SUCLG2: variants seen among roughly 807,000 people sequenced by gnomAD.
SUCLG2 encodes succinate-CoA ligase GDP-forming subunit beta.
Under a neutral mutation model 47.9 loss-of-function variants are expected in SUCLG2, and 42 were observed. The ratio of observed to expected loss-of-function variants is 0.88; its 90% CI spans 0.69 to 1.14. The LOEUF (loss-of-function observed/expected upper bound fraction) is 1.14. SUCLG2 is among the 50% of genes most tolerant of loss of function. The pLI, the probability that SUCLG2 is intolerant of heterozygous loss-of-function variation, is 0.00. For missense variants in SUCLG2, 571 were observed against 525.9 expected (o/e 1.09, Z -0.84); for synonymous variants, 195 against 197.3 (o/e 0.99, Z 0.10).
intron 10 of SUCLG2, among the ~76,000 whole-genome samples, chr3:67,379,593 C>G (rs180718008): frequency 6.6e-6 from 1 of 152,122 alleles, no homozygotes; most frequent in Non-Finnish European, 1.5e-5. Flanking sequence ...TAATTAATAT[C>G]CTCTTTTGCA....
chr3:67,584,259 C>T (rs1326376728), intron 2 of SUCLG2, among the ~76,000 whole-genome samples: 9 of 152,082 alleles, frequency 5.9e-5, no homozygotes, highest in Non-Finnish European at 8.8e-5. Flanking sequence ...ATGAAGTAAC[C>T]TCAAAAATAT....
intron 9 of SUCLG2, among the ~76,000 whole-genome samples, chr3:67,428,968 T>G (rs1197217751): frequency 6.6e-5 from 10 of 152,196 alleles, no homozygotes; most frequent in African/African-American, 2.2e-4. Context: ...ACCAAATCTA[T>G]GTCTGATTGG....
downstream of SUCLG2, among the ~76,000 whole-genome samples, chr3:67,373,146 T>C (rs1701975770): frequency 6.6e-6 from 1 of 152,162 alleles, no homozygotes; most frequent in Non-Finnish European, 1.5e-5. Context: ...ATATAGTGTA[T>C]TCTACAAATG....
chr3:67,616,176 T>C (rs891500706), intron 1 of SUCLG2, among the ~76,000 whole-genome samples: 3 of 152,062 alleles, frequency 2.0e-5, no homozygotes, highest in Admixed American at 6.6e-5. Flanking sequence ...AGTTACAACA[T>C]GGGGGATGTC....
At chr3:67,641,706 A>ACTGGGT in intron 1 of SUCLG2, among the ~76,000 whole-genome samples, 1 of 152,276 alleles carries the variant, frequency 6.6e-6, no homozygotes, top group African/African-American at 2.4e-5. Flanking sequence ...AGTACCACAT[A>ACTGGGT]CTGGGTATCC....
At chr3:67,513,918 A>G (rs575888074) in intron 6 of SUCLG2, 3 of 160,806 alleles carry the variant, frequency 1.9e-5, no homozygotes, top group African/African-American at 4.8e-5. Flanking sequence ...GTGCAGGCAC[A>G]GTTGTGCGCT....
chr3:67,461,399 G>A (rs1051266014), intron 9 of SUCLG2, among the ~76,000 whole-genome samples: 1 of 152,086 alleles, frequency 6.6e-6, no homozygotes, highest in African/African-American at 2.4e-5. Context: ...AACATAAAAT[G>A]TAATTCGAAT....
At chr3:67,506,878 T>A (rs911800701) in intron 7 of SUCLG2, among the ~76,000 whole-genome samples, 1 of 152,156 alleles carries the variant, frequency 6.6e-6, no homozygotes, top group Non-Finnish European at 1.5e-5. Flanking sequence ...AAATAAGTAG[T>A]TTAAATGGGA....
At chr3:67,520,359 A>C (rs1461298563) in intron 5 of SUCLG2, 123 bp downstream of exon 5, 1 of 1,398,294 alleles carries the variant, frequency 7.2e-7, no homozygotes, top group African/African-American at 1.4e-5. Flanking sequence ...AGGGCTCAGC[A>C]TCTTCTTACC....
intron 2 of SUCLG2, among the ~76,000 whole-genome samples, chr3:67,551,341 A>T (rs1005680569): frequency 1.1e-4 from 17 of 152,050 alleles, no homozygotes; most frequent in African/African-American, 4.1e-4. Context: ...GTTTTTATTT[A>T]TGTTTTGATA....
chr3:67,585,886 G>T (rs917110222), intron 2 of SUCLG2, among the ~76,000 whole-genome samples: 9 of 140,628 alleles, frequency 6.4e-5, no homozygotes, highest in South Asian at 2.3e-4. Flanking sequence ...AGAATCGCTC[G>T]AACCCAGGAG....
chr3:67,550,980 T>C (rs1047285786), intron 2 of SUCLG2, among the ~76,000 whole-genome samples: 6 of 152,244 alleles, frequency 3.9e-5, no homozygotes, highest in African/African-American at 2.4e-5. Context: ...CTTATACTTA[T>C]ACATATCAAG....
intron 9 of SUCLG2, among the ~76,000 whole-genome samples, chr3:67,495,111 T>C (rs1347588736): frequency 4.6e-5 from 7 of 152,330 alleles, no homozygotes; most frequent in African/African-American, 7.2e-5. Context: ...TTCCAATATA[T>C]GGTAATACCT....
At chr3:67,632,851 G>C (rs116169535) in intron 1 of SUCLG2, among the ~76,000 whole-genome samples, 110 of 152,274 alleles carry the variant, frequency 7.2e-4, no homozygotes, top group African/African-American at 2.5e-3. Flanking sequence ...TGTAATCAAT[G>C]AGATCCTGCT....
At chr3:67,389,120 C>T (rs1379054666) in intron 10 of SUCLG2, among the ~76,000 whole-genome samples, 1 of 151,762 alleles carries the variant, frequency 6.6e-6, no homozygotes. Flanking sequence ...TTAGGCAGAA[C>T]CAAAAACCCA....
intron 9 of SUCLG2, among the ~76,000 whole-genome samples, chr3:67,478,410 C>A (rs1175439222): frequency 6.6e-6 from 1 of 152,176 alleles, no homozygotes; most frequent in African/African-American, 2.4e-5. Context: ...CTGAACAGAC[C>A]TCTGTCTGTC....
downstream of SUCLG2, among the ~76,000 whole-genome samples, chr3:67,373,861 T>G (rs1701986076): frequency 6.6e-6 from 1 of 152,146 alleles, no homozygotes; most frequent in Admixed American, 6.5e-5. Flanking sequence ...TGCCTGAGAA[T>G]AAAACAATTA....
intron 1 of SUCLG2, among the ~76,000 whole-genome samples, chr3:67,620,406 G>A (rs1700713021): frequency 6.6e-6 from 1 of 152,002 alleles, no homozygotes; most frequent in African/African-American, 2.4e-5. Context: ...CCCACATGGT[G>A]AAACCTTGTC....
chr3:67,373,142 T>C (rs1412959633), downstream of SUCLG2, among the ~76,000 whole-genome samples: 2 of 152,166 alleles, frequency 1.3e-5, no homozygotes, highest in Non-Finnish European at 2.9e-5. Context: ...GAACATATAG[T>C]GTATTCTACA....
Sources: allele counts gnomAD v4.1 joint callset (sites outside exome capture counted in the v4.1 genomes callset), GRCh38; gene constraint gnomAD v4.1.1; transcripts MANE v1.5; gene names NCBI Gene and HGNC (gene_info 2026-07-23, HGNC 2026-07-21).